Variants in SLC48A1 observed in about 807,000 individuals in gnomAD.
The protein encoded by SLC48A1 is solute carrier family 48 member 1.
SLC48A1 carries 6 observed loss-of-function variants against 14.8 expected under a neutral mutation model. That is an observed-to-expected ratio of 0.41 (90% CI 0.22 to 0.80). The LOEUF is 0.80. Ranked by LOEUF, SLC48A1 falls within the 30% of genes least tolerant of loss-of-function variation. SLC48A1 has a pLI of 0.34. For synonymous variants in SLC48A1, 89 were observed against 90.0 expected (o/e 0.99, Z 0.06); for missense variants, 165 against 204.8 (o/e 0.81, Z 1.19).
In SLC48A1 at chr12:47,779,044, G is replaced by T; in HGVS notation, c.153G>T (p.Trp51Cys). 1.3e-6 allele frequency: 2 copies of T among 1,551,728 alleles called. No individual in the cohort carries two copies. The highest frequency in any genetic ancestry group is 1.7e-6 in the Non-Finnish European group (2 of 1,146,972). Reference protein sequence around the residue: ...MGGLAGVLALWVLVTHVMYMQ... With the variant: ...MGGLAGVLALCVLVTHVMYMQ... ...CTCCTGCAGGGGTGCTGGCACTGTG[G>T]GTCCTGGTGACGCACGTGATGTACA... Residue 51 changes from tryptophan to cysteine, a missense_variant, in exon 2 of 3, where the codon TGG becomes TGT. Coordinates refer to ENST00000442218, the MANE Select transcript of SLC48A1 (RefSeq NM_017842.3).
upstream of SLC48A1, among the ~76,000 whole-genome samples, chr12:47,770,354 C>T (rs1190311620): frequency 6.6e-6 from 1 of 152,228 alleles, no homozygotes. Flanking sequence ...ATGAATTCTC[C>T]CCTGACCTTT....
upstream of SLC48A1, among the ~76,000 whole-genome samples, chr12:47,754,277 A>AG (rs1488508708): frequency 6.6e-6 from 1 of 152,196 alleles, no homozygotes; most frequent in Non-Finnish European, 1.5e-5. Flanking sequence ...CAGACAGTAG[A>AG]GGTATTCTGC....
chr12:47,775,899 C>T (rs1238251981), intron 1 of SLC48A1, among the ~76,000 whole-genome samples: 2 of 152,122 alleles, frequency 1.3e-5, no homozygotes, highest in African/African-American at 4.8e-5. Context: ...CCTGGGGAGG[C>T]GGGCAGGTGT....
At chr12:47,757,498 A>G (rs1315410664), upstream of SLC48A1, among the ~76,000 whole-genome samples, 1 of 152,120 alleles carries the variant, frequency 6.6e-6, no homozygotes, top group African/African-American at 2.4e-5. Context: ...ACTGTAACCA[A>G]GCTTACCTCA....
At chr12:47,758,521 C>G, upstream of SLC48A1, 1 of 1,612,496 alleles carries the variant, frequency 6.2e-7, no homozygotes, top group Non-Finnish European at 8.5e-7. Flanking sequence ...CTCTCCTGCT[C>G]CTCCTCAACC....
At position 47,779,019 on chromosome 12, in the gene SLC48A1, C is replaced by G; in HGVS notation, c.137-9C>G. 3.2e-6 allele frequency: 5 copies of G among 1,551,126 alleles called. No individual in the cohort carries two copies. Among genetic ancestry groups the G allele is most frequent in the Non-Finnish European group, 3.5e-6 (4 of 1,146,688 alleles). ...CCTGGGGATGGGCCCTGATGTGTCT[C>G]TCCTGCAGGGGTGCTGGCACTGTGG... On this transcript the variant is annotated splice_polypyrimidine_tract_variant and intron_variant, in intron 1 of 2. Coordinates refer to ENST00000442218, the MANE Select transcript of SLC48A1 (RefSeq NM_017842.3).
At chr12:47,775,563 C>T (rs1297932901) in intron 1 of SLC48A1, among the ~76,000 whole-genome samples, 1 of 152,248 alleles carries the variant, frequency 6.6e-6, no homozygotes, top group Non-Finnish European at 1.5e-5. Context: ...AGTGAGTTCT[C>T]AGAGGGTCTG....
chr12:47,778,009 A>G (rs1942787676), intron 1 of SLC48A1, among the ~76,000 whole-genome samples: 1 of 152,110 alleles, frequency 6.6e-6, no homozygotes. Context: ...TGAGTGGCCC[A>G]CACCTTGCAA....
upstream of SLC48A1, chr12:47,758,098 G>C: frequency 6.4e-7 from 1 of 1,551,974 alleles, no homozygotes; most frequent in African/African-American, 1.4e-5. Flanking sequence ...GGGGAGGAAA[G>C]TGGACAGCCA....
Position 47,782,087 on chromosome 12 carries a change from C to T in SLC48A1, c.*1806C>T, listed in dbSNP as rs1381842053. ...GGGCCAGGTCTAAGGTAATGAGGTGCTCCTCTTCCTGCTGGAAAAACCGGA... is the reference window on the plus strand; with the variant it reads ...GGGCCAGGTCTAAGGTAATGAGGTGTTCCTCTTCCTGCTGGAAAAACCGGA... On this transcript the variant is annotated 3_prime_UTR_variant, in exon 3 of 3. Transcript: ENST00000442218. The T allele has an allele frequency of 1.3e-5, 2 of 152,324 alleles. No individual in the cohort carries two copies. Among genetic ancestry groups the T allele is most frequent in the African/African-American group, 4.8e-5 (2 of 41,470 alleles). 9.4% of individuals were successfully genotyped at this position (152,324 alleles called of 1,614,324 possible). A position where few individuals can be genotyped will look rare whatever the true frequency, so the allele number is the denominator to read the frequency against.
rs570603852 is a variant in SLC48A1 at position 47,775,483 on chromosome 12, G to A, written c.136+2043G>A. ...GCTGTGGAAGAGCCAAAACTGCTTG[G>A]TAGTGGTGGTGGTGGATGGTGGCAG... On this transcript the variant is annotated intron_variant, in intron 1 of 2. Transcript: ENST00000442218. Among the ~76,000 whole-genome samples the A allele has an allele frequency of 4.6e-5, 7 of 152,326 alleles. No homozygotes were observed. The East Asian group carries it at 1.2e-3, about 25-fold the overall frequency.
chr12:47,762,431 T>C (rs10747521), intron 2 of SLC48A1, among the ~76,000 whole-genome samples: 100,863 of 151,920 alleles, frequency 0.66, 34,037 homozygotes, highest in East Asian at 0.76. Flanking sequence ...ACTGCCTAAG[T>C]GAGGAGCCTG....
At chr12:47,773,538 C>T in intron 1 of SLC48A1, 98 bp downstream of exon 1, 4 of 1,235,098 alleles carry the variant, frequency 3.2e-6, no homozygotes, top group Non-Finnish European at 3.0e-6. Flanking sequence ...CGCTTCCCCG[C>T]GGAGCGGGTG....
Position 47,780,862 on chromosome 12 carries a change from C to G in SLC48A1, c.*581C>G, listed in dbSNP as rs771861347. On this transcript the variant is annotated 3_prime_UTR_variant, in exon 3 of 3. Coordinates refer to ENST00000442218, the MANE Select transcript of SLC48A1 (RefSeq NM_017842.3). The stretch of plus-strand genomic sequence containing the variant: ...GATTATAGGTGTGAGCCACCGTGCC[C>G]GGCCTGGATCTGTTTTCTTAGCACG... The G allele has an allele frequency of 1.9e-6, 1 of 528,594 alleles. No individual in the cohort carries two copies. Among genetic ancestry groups the G allele is most frequent in the Non-Finnish European group, 3.9e-6 (1 of 259,112 alleles). The allele number at this position is 528,594 out of a possible 1,614,324, so 32.7% of individuals were successfully genotyped here. A position where few individuals can be genotyped will look rare whatever the true frequency, so the allele number is the denominator to read the frequency against.
rs1370841697 is a variant in SLC48A1, at chr12:47,760,856, C to G, written c.-187+455C>G. Among the ~76,000 whole-genome samples the G allele has an allele frequency of 4.6e-5, 7 of 152,312 alleles. No individual in the cohort carries two copies. In the East Asian group the frequency reaches 1.3e-3, roughly 29 times the overall value. On this transcript the variant is annotated intron_variant, in intron 2 of 4. Transcript: ENST00000547002. ...ATACTGCGTATACTCTGTATGTATT[C>G]TATTCTTCTAATGTAGACTAGACTG...
At chr12:47,770,869 C>T (rs1032935520), upstream of SLC48A1, 11 of 456,572 alleles carry the variant, frequency 2.4e-5, no homozygotes, top group African/African-American at 2.2e-4. Context: ...TTTCCCAAAG[C>T]GGCCGCTTTA....
Position 47,781,970 on chromosome 12 carries a change from G to A in SLC48A1, c.*1689G>A, listed in dbSNP as rs1942892146. 6.6e-6 allele frequency: 1 copy of A among 152,426 alleles called. No homozygotes were observed. Among genetic ancestry groups the A allele is most frequent in the African/African-American group, 2.4e-5 (1 of 41,470 alleles). The allele number at this position is 152,426 out of a possible 1,614,324, so 9.4% of individuals were successfully genotyped here. A position where few individuals can be genotyped will look rare whatever the true frequency, so the allele number is the denominator to read the frequency against. Reference sequence around the variant, plus strand: ...CACGGGCATAGCTACAGCAACCCCTGCGGGATTTGGTGTCCACACCCGAGA... The same window carrying A: ...CACGGGCATAGCTACAGCAACCCCTACGGGATTTGGTGTCCACACCCGAGA... On this transcript the variant is annotated 3_prime_UTR_variant, in exon 3 of 3. Transcript: ENST00000442218.
At chr12:47,773,482 G>A in intron 1 of SLC48A1, 42 bp downstream of exon 1, 1 of 1,288,218 alleles carries the variant, frequency 7.8e-7, no homozygotes, top group Non-Finnish European at 9.9e-7. Flanking sequence ...GTGCGCGGCT[G>A]CGGGGCGGGC....
At chr12:47,770,398 T>A (rs1592602442), upstream of SLC48A1, among the ~76,000 whole-genome samples, 1 of 152,374 alleles carries the variant, frequency 6.6e-6, no homozygotes, top group East Asian at 1.9e-4. Flanking sequence ...CTTGAAGCAG[T>A]TTCGTCTCTT....
Sources: allele counts gnomAD v4.1 joint callset (sites outside exome capture counted in the v4.1 genomes callset), GRCh38; gene constraint gnomAD v4.1.1; transcripts MANE v1.5; gene names NCBI Gene and HGNC (gene_info 2026-07-23, HGNC 2026-07-21).